The following MALL variants were observed in gnomAD, a reference collection of about 807,000 sequenced individuals.
The protein encoded by MALL is mal, T cell differentiation protein like.
Under a neutral mutation model 10.3 loss-of-function variants are expected in MALL, and 2 were observed. The ratio of observed to expected loss-of-function variants is 0.19; its 90% CI spans 0.08 to 0.61. The LOEUF is 0.61. Ranked by LOEUF, MALL falls within the 20% of genes least tolerant of loss-of-function variation. The pLI is 0.88. For synonymous variants in MALL, 27 were observed against 51.8 expected (o/e 0.52, Z 2.05); for missense variants, 39 against 115.2 (o/e 0.34, Z 3.03).
In MALL at chr2:110,107,119, C is replaced by T. The variant is rs543842719; in HGVS notation, c.105+8569G>A. Among the ~76,000 whole-genome samples, 246 of 152,166 alleles carry T rather than the reference C, an allele frequency of 1.6e-3. 2 individuals are homozygous for T. Among genetic ancestry groups the T allele is most frequent in the Non-Finnish European group, 3.0e-3 (206 of 68,000 alleles). On this transcript the variant is annotated intron_variant, in intron 1 of 3. Transcript: ENST00000272462. ...ACCCTGAAAGGGTAGCACGAGGGAG[C>T]TCTTTGTGGTGAGTGGCAGTCCTGT...
chr2:110,108,621 G>A (rs1414753673), intron 1 of MALL, among the ~76,000 whole-genome samples: 1 of 152,148 alleles, frequency 6.6e-6, no homozygotes, highest in Middle Eastern at 3.2e-3. Flanking sequence ...CATATTTGGA[G>A]GAATGATCAA....
At chr2:110,097,980 G>A (rs1393711714) in intron 1 of MALL, among the ~76,000 whole-genome samples, 1 of 152,030 alleles carries the variant, frequency 6.6e-6, no homozygotes, top group Non-Finnish European at 1.5e-5. Context: ...TCAGCACACA[G>A]GTGAGCCGGG....
chr2:110,114,984 A>G (rs1306842125), intron 1 of MALL, among the ~76,000 whole-genome samples: 13 of 152,104 alleles, frequency 8.5e-5, no homozygotes, highest in Admixed American at 8.5e-4. Context: ...GGGAGCAGGC[A>G]GGATCCCCAG....
upstream of MALL, chr2:110,116,043 T>C (rs1678913819): frequency 5.3e-6 from 2 of 375,108 alleles, no homozygotes; most frequent in Non-Finnish European, 9.5e-6. Flanking sequence ...GGGAGTCTCC[T>C]CCTAGACCTT....
intron 1 of MALL, among the ~76,000 whole-genome samples, chr2:110,099,381 C>G (rs894643151): frequency 3.3e-5 from 5 of 152,082 alleles, no homozygotes; most frequent in Non-Finnish European, 7.4e-5. Flanking sequence ...TACATCTTAG[C>G]AAGTAGGTGG....
At position 110,115,818 on chromosome 2, in the gene MALL, G is replaced by T. The variant is rs757652549; in HGVS notation, c.-26C>A. 8.0e-6 allele frequency: 9 copies of T among 1,120,984 alleles called. No homozygotes were observed. The highest frequency in any genetic ancestry group is 1.0e-5 in the Non-Finnish European group (9 of 873,092). 69.4% of individuals were successfully genotyped at this position (1,120,984 alleles called of 1,614,324 possible). A position where few individuals can be genotyped will look rare whatever the true frequency, so the allele number is the denominator to read the frequency against. Reference sequence around the variant, plus strand: ...GCTGTCAGCCCCTGCCGGGTGCTCCGCGGCAGCTCGCCCGCGCGCAGCCTG... The same window carrying T: ...GCTGTCAGCCCCTGCCGGGTGCTCCTCGGCAGCTCGCCCGCGCGCAGCCTG... On this transcript the variant is annotated 5_prime_UTR_variant, in exon 1 of 4. Coordinates refer to ENST00000272462, the MANE Select transcript of MALL (RefSeq NM_005434.5).
intron 1 of MALL, among the ~76,000 whole-genome samples, chr2:110,112,838 G>T (rs114285630): frequency 0.032 from 4,786 of 150,746 alleles, 129 homozygotes; most frequent in Non-Finnish European, 0.05. Context: ...CAACTCAAAT[G>T]CCCATCAATC....
chr2:110,103,621 C>T (rs1678626805), intron 1 of MALL, among the ~76,000 whole-genome samples: 1 of 152,196 alleles, frequency 6.6e-6, no homozygotes, highest in African/African-American at 2.4e-5. Flanking sequence ...CTAGGGCTCG[C>T]CCTGGGTCCA....
intron 1 of MALL, among the ~76,000 whole-genome samples, chr2:110,097,095 C>CAAAACAA (rs1553477284): frequency 4.4e-4 from 62 of 139,706 alleles, no homozygotes; most frequent in Non-Finnish European, 7.7e-4. Flanking sequence ...CAAAACAAAA[C>CAAAACAA]AAAAAAAAAA....
chr2:110,115,701 A>C lies in MALL; in HGVS notation c.92T>G (p.Phe31Cys), dbSNP rs568895754. Reference sequence around the variant, plus strand: ...TGCCGCACTCACCAGCTCGGGCAGGAAGAAGGCGAAAGGGATGGTGAGGAA... The same window carrying C: ...TGCCGCACTCACCAGCTCGGGCAGGCAGAAGGCGAAAGGGATGGTGAGGAA... ...ALFLTIPFAF[F>C]LPELIFGFLV... The change falls in exon 1 of 4, where the codon TTC becomes TGC. Residue 31 changes from phenylalanine (F) to cysteine (C), a missense_variant. Physicochemically the swap from Phe to Cys is radical, Grantham distance 205 (BLOSUM62 -2). This residue lies in a region of MALL where 39 missense variants were observed against 48.0 expected (regional missense o/e 0.81). Transcript: ENST00000272462. The C allele has an allele frequency of 7.8e-7, 1 of 1,286,610 alleles. No individual in the cohort carries two copies. Among genetic ancestry groups the C allele is most frequent in the East Asian group, 3.0e-5 (1 of 33,892 alleles). 79.7% of individuals were successfully genotyped at this position (1,286,610 alleles called of 1,614,324 possible).
intron 1 of MALL, among the ~76,000 whole-genome samples, chr2:110,113,147 A>G (rs1678841138): frequency 6.6e-6 from 1 of 151,704 alleles, no homozygotes; most frequent in Non-Finnish European, 1.5e-5. Flanking sequence ...ATAAAAGACT[A>G]CAAATATGGG....
At chr2:110,106,067 A>G (rs372816878) in intron 1 of MALL, among the ~76,000 whole-genome samples, 2 of 152,282 alleles carry the variant, frequency 1.3e-5, no homozygotes, top group East Asian at 3.9e-4. Flanking sequence ...AACATCTAAC[A>G]TCAAACAAAG....
chr2:110,094,886 T>G (rs1678410527), intron 1 of MALL, among the ~76,000 whole-genome samples: 1 of 62,434 alleles, frequency 1.6e-5, no homozygotes, highest in Admixed American at 1.9e-4. Context: ...CTCTCTGGGT[T>G]CCAGCTATAG....
intron 1 of MALL, among the ~76,000 whole-genome samples, chr2:110,113,983 C>T (rs893428595): frequency 2.0e-5 from 3 of 151,978 alleles, no homozygotes; most frequent in Non-Finnish European, 2.9e-5. Flanking sequence ...CCCCTCACCC[C>T]CCACAACACG....
At chr2:110,096,487 G>A (rs1200588412) in intron 1 of MALL, among the ~76,000 whole-genome samples, 1 of 152,108 alleles carries the variant, frequency 6.6e-6, no homozygotes, top group Non-Finnish European at 1.5e-5. Context: ...GTTGGCTGTA[G>A]TAGCCATAAC....
At chr2:110,113,803 C>T (rs190538929) in intron 1 of MALL, among the ~76,000 whole-genome samples, 19 of 152,226 alleles carry the variant, frequency 1.2e-4, no homozygotes, top group African/African-American at 4.6e-4. Flanking sequence ...GTGTTAGTTT[C>T]CTGATTTCAA....
At chr2:110,110,700 C>T (rs1678785851) in intron 1 of MALL, among the ~76,000 whole-genome samples, 7 of 151,904 alleles carry the variant, frequency 4.6e-5, no homozygotes, top group Admixed American at 4.6e-4. Flanking sequence ...ATGAAGGAAC[C>T]CTCCCTAATT....
At chr2:110,099,596 T>G (rs977118041) in intron 1 of MALL, among the ~76,000 whole-genome samples, 9 of 152,284 alleles carry the variant, frequency 5.9e-5, no homozygotes, top group Non-Finnish European at 1.2e-4. Flanking sequence ...ACTGTTTCTG[T>G]GGAGTGAGCT....
intron 1 of MALL, among the ~76,000 whole-genome samples, chr2:110,101,739 T>A (rs1678568522): frequency 6.6e-6 from 1 of 152,146 alleles, no homozygotes; most frequent in African/African-American, 2.4e-5. Flanking sequence ...CACTTTTTAC[T>A]GACCAAACAG....
Sources: allele counts gnomAD v4.1 joint callset (sites outside exome capture counted in the v4.1 genomes callset), GRCh38; gene constraint gnomAD v4.1.1; regional missense constraint gnomAD v4.1.1; transcripts MANE v1.5; gene names NCBI Gene and HGNC (gene_info 2026-07-23, HGNC 2026-07-21).